Variants in NRXN3 observed in about 807,000 individuals in gnomAD.
NRXN3 encodes the protein neurexin 3, also known as neurexin III.
A neutral mutation model predicts 137.6 loss-of-function variants in NRXN3; 32 were observed. The observed-to-expected ratio is 0.23, with a 90% CI of 0.18 to 0.31. The LOEUF is 0.31. Among genes scored for constraint, NRXN3 ranks in the 10% least tolerant of loss-of-function variants. The probability of loss-of-function intolerance (pLI) is 1.00; values close to 1 mark genes in which losing one functional copy is unlikely to be tolerated. For missense variants in NRXN3, 1,574 were observed against 2,062.5 expected (o/e 0.76, Z 4.59); for synonymous variants, 798 against 784.5 (o/e 1.02, Z -0.29).
At chr14:78,322,280 G>A (rs910568353) in intron 4 of NRXN3, among the ~76,000 whole-genome samples, 3 of 151,950 alleles carry the variant, frequency 2.0e-5, no homozygotes, top group Admixed American at 6.6e-5. Context: ...AGGAAAAGGG[G>A]CAAAGTGTAC....
intron 4 of NRXN3, among the ~76,000 whole-genome samples, chr14:78,348,795 C>T (rs542706464): frequency 5.9e-5 from 9 of 152,104 alleles, no homozygotes; most frequent in South Asian, 2.1e-4. Flanking sequence ...TGTAGCACCA[C>T]GACTTTAGGG....
intron 19 of NRXN3, among the ~76,000 whole-genome samples, chr14:79,734,294 G>A (rs1294425475): frequency 2.6e-5 from 4 of 152,206 alleles, no homozygotes; most frequent in Admixed American, 6.5e-5. Flanking sequence ...GATTTTAAAT[G>A]TAGGGACCAA....
At chr14:78,967,439 C>T in intron 13 of NRXN3, 41 bp downstream of exon 13, 1 of 1,438,108 alleles carries the variant, frequency 7.0e-7, no homozygotes, top group Non-Finnish European at 9.7e-7. Flanking sequence ...TAGAGCTTTT[C>T]TTACAATAGA....
chr14:79,523,816 T>G (rs890656013), intron 16 of NRXN3, among the ~76,000 whole-genome samples: 1 of 152,218 alleles, frequency 6.6e-6, no homozygotes, highest in African/African-American at 2.4e-5. Context: ...AATAGCCAGA[T>G]TACAATGGCA....
intron 10 of NRXN3, among the ~76,000 whole-genome samples, chr14:78,914,274 A>G (rs972831186): frequency 6.6e-6 from 1 of 152,252 alleles, no homozygotes; most frequent in African/African-American, 2.4e-5. Context: ...AATATGTGCT[A>G]AGCATTGTCC....
At chr14:79,407,897 G>A (rs1567041187) in intron 15 of NRXN3, among the ~76,000 whole-genome samples, 1 of 152,092 alleles carries the variant, frequency 6.6e-6, no homozygotes, top group African/African-American at 2.4e-5. Flanking sequence ...TGTTGATATT[G>A]CAGGTGTAAA....
rs1414259496 is a variant in NRXN3 at position 79,867,581 on chromosome 14, GAC to G, written c.*5620_*5621del. 1 of 152,266 alleles carries G rather than the reference GAC, an allele frequency of 6.6e-6. No individual in the cohort carries two copies. Among genetic ancestry groups the G allele is most frequent in the East Asian group, 1.9e-4 (1 of 5,184 alleles). The allele number at this position is 152,266 out of a possible 1,614,324, so 9.4% of individuals were successfully genotyped here. A position where few individuals can be genotyped will look rare whatever the true frequency, so the allele number is the denominator to read the frequency against. ...TGTTTGACCTTAATTACTTCCTAAA[GAC>G]ACTACCTCCCAATACAGTCATGTTT... On this transcript the variant is annotated 3_prime_UTR_variant, in exon 21 of 21. Coordinates refer to ENST00000335750, the MANE Select transcript of NRXN3 (RefSeq NM_001330195.2).
intron 4 of NRXN3, among the ~76,000 whole-genome samples, chr14:78,611,449 A>T (rs1444583632): frequency 1.3e-5 from 2 of 150,896 alleles, no homozygotes; most frequent in Non-Finnish European, 1.5e-5. Flanking sequence ...CTTCTCTCTG[A>T]ATCACTTATG....
At chr14:79,845,766 C>G (rs1227058818) in intron 20 of NRXN3, among the ~76,000 whole-genome samples, 10 of 13,324 alleles carry the variant, frequency 7.5e-4, no homozygotes, top group East Asian at 1.4e-3. Flanking sequence ...GAGAGGGAGA[C>G]GGGGAGAGAG....
intron 15 of NRXN3, among the ~76,000 whole-genome samples, chr14:79,081,492 T>G (rs1376096970): frequency 6.6e-6 from 1 of 151,806 alleles, no homozygotes; most frequent in Admixed American, 6.6e-5. Flanking sequence ...CATGCACCTG[T>G]AGTATCAGCT....
intron 17 of NRXN3, among the ~76,000 whole-genome samples, chr14:79,670,013 T>C (rs2098598022): frequency 6.6e-6 from 1 of 152,054 alleles, no homozygotes; most frequent in Non-Finnish European, 1.5e-5. Flanking sequence ...CAACCATATG[T>C]TGCTATTGAG....
intron 10 of NRXN3, among the ~76,000 whole-genome samples, chr14:78,943,678 A>ATC (rs1567779117): frequency 9.8e-6 from 1 of 102,498 alleles, no homozygotes; most frequent in Non-Finnish European, 2.0e-5. Flanking sequence ...ATATATATAT[A>ATC]TCTCAAAGAA....
At chr14:79,448,272 T>C (rs112726590) in intron 15 of NRXN3, among the ~76,000 whole-genome samples, 1 of 152,202 alleles carries the variant, frequency 6.6e-6, no homozygotes, top group African/African-American at 2.4e-5. Flanking sequence ...CAGATTACTA[T>C]TGCTGTCCCC....
rs112497121 is a variant in NRXN3, at chr14:79,135,372, G to A, written c.3262+147231G>A. Among the ~76,000 whole-genome samples the A allele has an allele frequency of 2.9e-3, 437 of 152,098 alleles. 1 individual carries two copies. Among genetic ancestry groups the A allele is most frequent in the African/African-American group, 6.9e-3 (287 of 41,486 alleles). The stretch of plus-strand genomic sequence containing the variant: ...TATATATATTTCACAATAATTACTT[G>A]AATAAATCCTAGGTACCTCTCCTAA... On this transcript the variant is annotated intron_variant, in intron 15 of 20. Transcript: ENST00000335750.
At chr14:78,958,361 C>CTT (rs371764049) in intron 11 of NRXN3, among the ~76,000 whole-genome samples, 4,202 of 142,218 alleles carry the variant, frequency 0.03, 114 homozygotes, top group Middle Eastern at 0.059. Context: ...TTCTTTCTTT[C>CTT]TTTTTTTTTT....
At chr14:79,163,213 C>T (rs1210017030) in intron 15 of NRXN3, among the ~76,000 whole-genome samples, 1 of 151,952 alleles carries the variant, frequency 6.6e-6, no homozygotes, top group African/African-American at 2.4e-5. Flanking sequence ...ATAGTCTATG[C>T]TCACAGAGGC....
chr14:78,553,384 T>C (rs916863156), intron 4 of NRXN3, among the ~76,000 whole-genome samples: 1 of 152,162 alleles, frequency 6.6e-6, no homozygotes, highest in African/African-American at 2.4e-5. Context: ...TGAGCCCTTG[T>C]TGGTGAACCC....
At chr14:78,550,157 C>T (rs529453964) in intron 4 of NRXN3, among the ~76,000 whole-genome samples, 2 of 151,944 alleles carry the variant, frequency 1.3e-5, no homozygotes, top group East Asian at 3.9e-4. Flanking sequence ...ACCTCAGCCT[C>T]CTGAGTAGCT....
At chr14:78,730,298 G>A (rs1039244894) in intron 8 of NRXN3, among the ~76,000 whole-genome samples, 7 of 152,168 alleles carry the variant, frequency 4.6e-5, no homozygotes, top group Non-Finnish European at 7.3e-5. Context: ...AGAGCACTTC[G>A]TGGATGATAC....
Sources: gnomAD v4.1 joint callset for allele counts (sites outside exome capture counted in the v4.1 genomes callset) on GRCh38, gnomAD v4.1.1 for gene constraint, MANE v1.5 for transcripts, NCBI Gene and HGNC (gene_info 2026-07-23, HGNC 2026-07-21) for gene names.